WDTC1: variants seen among roughly 807,000 people sequenced by gnomAD.
The protein encoded by WDTC1 is WD and tetratricopeptide repeats 1.
In WDTC1, 12 loss-of-function variants were observed where a neutral mutation model predicts 76.0. That is an observed-to-expected ratio of 0.16 (90% CI 0.10 to 0.26). WDTC1 has a LOEUF of 0.26. WDTC1 is among the 10% of genes least tolerant of loss of function. The probability of loss-of-function intolerance (pLI) is 1.00; values close to 1 mark genes in which losing one functional copy is unlikely to be tolerated. For synonymous variants in WDTC1, 326 were observed against 350.8 expected (o/e 0.93, Z 0.79); for missense variants, 511 against 908.8 (o/e 0.56, Z 5.63).
chr1:27,292,247 C>T lies in WDTC1; in HGVS notation c.512C>T (p.Ser171Leu). 6.2e-7 allele frequency: 1 copy of T among 1,607,396 alleles called. No homozygotes were observed. The highest frequency in any genetic ancestry group is 8.5e-7 in the Non-Finnish European group (1 of 1,176,738). Reference sequence around the variant, plus strand: ...GACCTTCGAGAGAACAGCAAACACTCGGAGGTGCTGATTGACCTGACAGAG... The same window carrying T: ...GACCTTCGAGAGAACAGCAAACACTTGGAGGTGCTGATTGACCTGACAGAG... ...QYDLRENSKHSEVLIDLTEYC... is the reference protein window; with the variant it reads ...QYDLRENSKHLEVLIDLTEYC... The change falls in exon 7 of 16, where the codon TCG (serine) becomes TTG (leucine). Residue 171 changes from serine to leucine, a missense_variant. Coordinates refer to ENST00000319394, the MANE Select transcript of WDTC1 (RefSeq NM_001276252.2).
At chr1:27,272,299 A>G (rs2012895126) in intron 3 of WDTC1, among the ~76,000 whole-genome samples, 2 of 152,068 alleles carry the variant, frequency 1.3e-5, no homozygotes, top group Non-Finnish European at 2.9e-5. Context: ...TGTGTTGCCC[A>G]GGCTGGTCTC....
intron 1 of WDTC1, among the ~76,000 whole-genome samples, chr1:27,243,874 C>T (rs1474880961): frequency 1.3e-5 from 2 of 151,434 alleles, no homozygotes; most frequent in African/African-American, 4.9e-5. Context: ...GCCTATAATC[C>T]CAACACTTTG....
intron 5 of WDTC1, 117 bp from the exon 6 acceptor site, chr1:27,287,557 G>A: frequency 8.4e-7 from 1 of 1,195,206 alleles, no homozygotes; most frequent in Non-Finnish European, 1.2e-6. Flanking sequence ...CAGCCTGCAT[G>A]GGCTCATTCT....
At chr1:27,294,201 G>T in intron 8 of WDTC1, 85 bp downstream of exon 8, 1 of 1,398,928 alleles carries the variant, frequency 7.1e-7, no homozygotes, top group South Asian at 1.3e-5. Context: ...GCATGGCATG[G>T]TGGTCAAGAG....
chr1:27,296,953 C>A (rs1407031384), intron 10 of WDTC1, 95 bp from the exon 11 acceptor site: 2 of 1,079,816 alleles, frequency 1.9e-6, no homozygotes, highest in Non-Finnish European at 2.8e-6. Context: ...CACGATGGAA[C>A]CATCAGACCC....
chr1:27,263,518 C>T (rs923475849), intron 3 of WDTC1, among the ~76,000 whole-genome samples: 2 of 152,200 alleles, frequency 1.3e-5, no homozygotes, highest in African/African-American at 2.4e-5. Context: ...ACTGCAAGCT[C>T]TGCCTCCCGG....
chr1:27,289,952 C>T (rs2013486084), intron 6 of WDTC1, among the ~76,000 whole-genome samples: 1 of 151,306 alleles, frequency 6.6e-6, no homozygotes, highest in African/African-American at 2.4e-5. Flanking sequence ...CCAGCTTCGG[C>T]TCGGCATCAG....
chr1:27,264,484 G>A (rs1421423886), intron 3 of WDTC1, among the ~76,000 whole-genome samples: 4 of 151,742 alleles, frequency 2.6e-5, no homozygotes, highest in African/African-American at 9.7e-5. Context: ...AAACCAGAAC[G>A]CTTGTTCAAG....
chr1:27,292,314 C>T lies in WDTC1; in HGVS notation c.579C>T (p.Asn193=), dbSNP rs776252456. The change falls in exon 7 of 16, where the codon AAC becomes AAT. Residue 193 remains asparagine (N), a synonymous_variant. Coordinates refer to ENST00000319394, the MANE Select transcript of WDTC1 (RefSeq NM_001276252.2). The part of the protein sequence containing the change: ...QLVEAKCLTV[N]PQDNNCLAVG... The stretch of plus-strand genomic sequence containing the variant: ...TGGAGGCCAAGTGCCTCACTGTCAA[C>T]CCCCAGGACAACAACTGCCTGGCAG... The T allele has an allele frequency of 6.2e-7, 1 of 1,613,366 alleles. No individual in the cohort carries two copies. The highest frequency in any genetic ancestry group is 8.5e-7 in the Non-Finnish European group (1 of 1,179,694).
rs1167805191 is a variant in WDTC1 at position 27,297,055 on chromosome 1, G to A, written c.957G>A (p.Gln319=). The change falls in exon 11 of 16, where the codon CAG becomes CAA. Residue 319 remains glutamine (Q), a synonymous_variant. Transcript: ENST00000319394. ...CTCACTATCTCCTGCCAGAAGTCCA[G>A]AATGGCAAGATGTCCACCAACGGTG... is the stretch of plus-strand genomic sequence containing the variant. The part of the protein sequence containing the change: ...PRKCHSSGEV[Q]NGKMSTNGVS... 6.2e-6 allele frequency: 10 copies of A among 1,613,930 alleles called. No homozygotes were observed. The highest frequency in any genetic ancestry group is 6.8e-6 in the Non-Finnish European group (8 of 1,179,920).
At chr1:27,234,570 C>T, upstream of WDTC1, 1 of 388,258 alleles carries the variant, frequency 2.6e-6, no homozygotes. Context: ...GTCTTCGTAG[C>T]GTACCCGCCG....
Position 27,263,163 on chromosome 1 carries a change from C to A in WDTC1, c.60C>A (p.Ala20=). 6.2e-7 allele frequency: 1 copy of A among 1,613,378 alleles called. No homozygotes were observed. Among genetic ancestry groups the A allele is most frequent in the Non-Finnish European group, 8.5e-7 (1 of 1,179,736 alleles). ...TTTCTGTCCCCTAGGAGCGGGGTGC[C>A]CTGAGCTTTGAGCGGCGCTACCATG... is the stretch of plus-strand genomic sequence containing the variant. ...LIRRQIKERG[A]LSFERRYHVT... Residue 20 remains alanine, a synonymous_variant, in exon 3 of 16, where the codon GCC becomes GCA. Coordinates refer to ENST00000319394, the MANE Select transcript of WDTC1 (RefSeq NM_001276252.2).
At chr1:27,270,565 C>G (rs970888495) in intron 3 of WDTC1, among the ~76,000 whole-genome samples, 8 of 152,078 alleles carry the variant, frequency 5.3e-5, no homozygotes, top group African/African-American at 1.9e-4. Context: ...TGGTGACACA[C>G]CACTGTGGTC....
Position 27,307,846 on chromosome 1 carries a change from C to CT in WDTC1, c.*1465dup, listed in dbSNP as rs201314744. ...CCCCAGTCCCTCTTCCCACCCCTCT[C>CT]TTCTAGCTTGGTAATGAAGTATATT... On this transcript the variant is annotated 3_prime_UTR_variant, in exon 16 of 16. Coordinates refer to ENST00000319394, the MANE Select transcript of WDTC1 (RefSeq NM_001276252.2). This position sits in a 1 kb window ranked among gnomAD's most constrained non-coding sequence, Gnocchi z 4.1. The CT allele has an allele frequency of 5.8e-3, 865 of 148,170 alleles. 15 individuals carry two copies. The highest frequency in any genetic ancestry group is 0.02 in the African/African-American group (809 of 40,678). 9.2% of individuals were successfully genotyped at this position (148,170 alleles called of 1,614,324 possible). A position where few individuals can be genotyped will look rare whatever the true frequency, so the allele number is the denominator to read the frequency against.
At chr1:27,251,690 G>T (rs1377410884) in intron 1 of WDTC1, among the ~76,000 whole-genome samples, 1 of 152,090 alleles carries the variant, frequency 6.6e-6, no homozygotes, top group Non-Finnish European at 1.5e-5. Context: ...GGGAATGGTG[G>T]TGCATGCCTG....
At chr1:27,249,931 C>T (rs1053014214) in intron 1 of WDTC1, among the ~76,000 whole-genome samples, 1 of 152,078 alleles carries the variant, frequency 6.6e-6, no homozygotes, top group African/African-American at 2.4e-5. Flanking sequence ...CTTTTAACAA[C>T]GTCACGATTT....
chr1:27,247,346 T>C (rs1356331045), intron 1 of WDTC1, among the ~76,000 whole-genome samples: 1 of 152,046 alleles, frequency 6.6e-6, no homozygotes, highest in Non-Finnish European at 1.5e-5. Context: ...TGTGAGCCAC[T>C]GTGCCCAGCC....
At chr1:27,292,505 G>A (rs2013561802) in intron 7 of WDTC1, 108 bp downstream of exon 7, 7 of 1,126,066 alleles carry the variant, frequency 6.2e-6, no homozygotes, top group Non-Finnish European at 8.4e-6. Context: ...ACAGCTCACT[G>A]CAGCCTCAAC....
intron 3 of WDTC1, among the ~76,000 whole-genome samples, chr1:27,265,733 G>T (rs2012641136): frequency 1.3e-5 from 2 of 151,872 alleles, no homozygotes; most frequent in Admixed American, 1.3e-4. Flanking sequence ...ATCACCTGAG[G>T]TCAGGAGTTT....
Sources: gnomAD v4.1 joint callset for allele counts (sites outside exome capture counted in the v4.1 genomes callset) on GRCh38, gnomAD v4.1.1 for gene constraint, Gnocchi (gnomAD v3.1) non-coding constraint, MANE v1.5 for transcripts, NCBI Gene and HGNC (gene_info 2026-07-23, HGNC 2026-07-21) for gene names.